Variants in DCDC1 observed in about 807,000 individuals in gnomAD.
DCDC1 encodes doublecortin domain-containing protein 1.
A neutral mutation model predicts 178.3 loss-of-function variants in DCDC1; 200 were observed. The ratio of observed to expected loss-of-function variants is 1.12; its 90% CI spans 1.00 to 1.26. The LOEUF (loss-of-function observed/expected upper bound fraction) is 1.26, where lower values mean the gene tolerates loss of function less well. Ranked by LOEUF, DCDC1 falls within the 50% of genes most tolerant of loss-of-function variation. The pLI, the probability that DCDC1 is intolerant of heterozygous loss-of-function variation, is 0.00. For missense variants in DCDC1, 1,983 were observed against 1,749.2 expected (o/e 1.13, Z -2.38); for synonymous variants, 690 against 604.8 (o/e 1.14, Z -2.07).
intron 9 of DCDC1, among the ~76,000 whole-genome samples, chr11:31,212,604 T>TCTCTCTCTCTCTCTCTCTCTC (rs1972703361): frequency 6.6e-6 from 1 of 152,146 alleles, no homozygotes; most frequent in African/African-American, 2.4e-5. Flanking sequence ...AATTAACAGA[T>TCTCTCTCTCTCTCTCTCTCTC]TTTTCAAATG....
At chr11:30,928,480 T>C (rs1946727625) in intron 22 of DCDC1, among the ~76,000 whole-genome samples, 2 of 151,236 alleles carry the variant, frequency 1.3e-5, no homozygotes, top group Admixed American at 1.3e-4. Flanking sequence ...CAAGCAAATA[T>C]AAACCAAAGA....
intron 9 of DCDC1, among the ~76,000 whole-genome samples, chr11:31,159,319 T>C (rs1966074448): frequency 6.6e-6 from 1 of 152,158 alleles, no homozygotes; most frequent in Admixed American, 6.5e-5. Context: ...CTAATCCATG[T>C]AGGGACAAAA....
At chr11:31,274,404 T>A (rs7940632) in intron 7 of DCDC1, among the ~76,000 whole-genome samples, 4 of 152,118 alleles carry the variant, frequency 2.6e-5, no homozygotes, top group African/African-American at 7.2e-5. Context: ...TAGTGCTGGA[T>A]AAAGACATTT....
chr11:30,941,282 A>G (rs942349488), intron 21 of DCDC1, among the ~76,000 whole-genome samples: 1 of 152,130 alleles, frequency 6.6e-6, no homozygotes, highest in African/African-American at 2.4e-5. Context: ...CTTAAGTCAG[A>G]GCATATCACT....
intron 27 of DCDC1, among the ~76,000 whole-genome samples, 170 bp from the exon 28 acceptor site, chr11:30,911,590 G>A (rs1945450771): frequency 1.3e-5 from 2 of 152,300 alleles, no homozygotes; most frequent in South Asian, 2.1e-4. Context: ...AGCTTTCTCA[G>A]TAGAGAGTGC....
intron 9 of DCDC1, among the ~76,000 whole-genome samples, 179 bp from the exon 10 acceptor site, chr11:31,137,963 T>A (rs1963358205): frequency 6.6e-6 from 1 of 152,204 alleles, no homozygotes; most frequent in Admixed American, 6.5e-5. Flanking sequence ...ACAAACTGAA[T>A]CTTTTACTTT....
At chr11:31,250,382 GAA>G (rs1943895922) in intron 8 of DCDC1, among the ~76,000 whole-genome samples, 1 of 86,824 alleles carries the variant, frequency 1.2e-5, no homozygotes, top group African/African-American at 5.8e-5. Context: ...CAGAGTGAAT[GAA>G]TACACACACA....
In DCDC1 at chr11:30,931,844, GC is replaced by G. The variant is rs1224431673; in HGVS notation, c.2823del (p.Leu941PhefsTer31). The G allele has an allele frequency of 3.7e-6, 6 of 1,612,952 alleles. No individual in the cohort carries two copies. Among genetic ancestry groups the G allele is most frequent in the Admixed American group, 3.3e-5 (2 of 59,872 alleles). On this transcript the variant is annotated frameshift_variant, in exon 22 of 39. Transcript: ENST00000684477. LOFTEE classifies it high-confidence loss of function. ...EPYAPVRLRV[L>X]QNGEKNKNRS... The stretch of plus-strand genomic sequence containing the variant: ...CTGTTTTTATTCTTCTCTCCATTCT[GC>G]AAAACTCTGAGTCGCACAGGGGCAT...
chr11:30,913,980 T>C (rs1945643694), intron 27 of DCDC1, among the ~76,000 whole-genome samples: 1 of 152,230 alleles, frequency 6.6e-6, no homozygotes, highest in African/African-American at 2.4e-5. Context: ...AATTGCTAAA[T>C]ACAATGTAGA....
intron 8 of DCDC1, among the ~76,000 whole-genome samples, chr11:31,255,763 T>C (rs1944380415): frequency 6.6e-6 from 1 of 152,216 alleles, no homozygotes; most frequent in African/African-American, 2.4e-5. Flanking sequence ...ATTTTTTCCA[T>C]TCTATGGTTT....
rs1948551809 is a variant in DCDC1 at position 31,307,774 on chromosome 11, T to C, written c.299A>G (p.His100Arg). 1 of 1,614,028 alleles carries C rather than the reference T, an allele frequency of 6.2e-7. No homozygotes were observed. Among genetic ancestry groups the C allele is most frequent in the African/African-American group, 1.3e-5 (1 of 74,928 alleles). The stretch of plus-strand genomic sequence containing the variant: ...ATGGCTGTGATCTGATGCTGTTTGA[T>C]GTGTGGAGCAATCTTGAAGTCCTGA... ...EGSGLQDCST[H>R]QTASDHSHDE... The change falls in exon 4 of 39, where the codon CAT becomes CGT. Residue 100 changes from histidine (H) to arginine (R), a missense_variant. Coordinates refer to ENST00000684477, the MANE Select transcript of DCDC1 (RefSeq NM_001387274.1).
chr11:30,877,447 CTTCTTGTAAA>C (rs1288805548), intron 38 of DCDC1, among the ~76,000 whole-genome samples: 1 of 152,158 alleles, frequency 6.6e-6, no homozygotes, highest in African/African-American at 2.4e-5. Context: ...GTTCTGTCTT[CTTCTTGTAAA>C]TTCTTCCCTA....
chr11:31,184,470 G>T (rs1252930439), intron 9 of DCDC1, among the ~76,000 whole-genome samples: 1 of 152,112 alleles, frequency 6.6e-6, no homozygotes, highest in African/African-American at 2.4e-5. Context: ...CTTCTGCACA[G>T]CAAAAGAAAT....
intron 9 of DCDC1, among the ~76,000 whole-genome samples, chr11:31,143,002 T>C (rs1369810712): frequency 6.6e-6 from 1 of 152,080 alleles, no homozygotes; most frequent in Non-Finnish European, 1.5e-5. Flanking sequence ...ATGACATGTT[T>C]CCACACGCAA....
intron 9 of DCDC1, among the ~76,000 whole-genome samples, chr11:31,165,470 C>T (rs1342672201): frequency 1.3e-5 from 2 of 152,024 alleles, no homozygotes; most frequent in Non-Finnish European, 2.9e-5. Flanking sequence ...CATTACCACG[C>T]TCAGCTAATT....
chr11:30,919,274 A>C (rs1390913814), intron 25 of DCDC1, among the ~76,000 whole-genome samples: 1 of 152,148 alleles, frequency 6.6e-6, no homozygotes. Context: ...TGGTCTAAAT[A>C]ATTATTTAAA....
intron 20 of DCDC1, among the ~76,000 whole-genome samples, chr11:31,027,775 C>T (rs1228926855): frequency 6.6e-6 from 1 of 151,866 alleles, no homozygotes; most frequent in Non-Finnish European, 1.5e-5. Context: ...CTGTAATTCA[C>T]TTGGAACTAA....
chr11:31,341,386 G>C (rs1950531103), intron 1 of DCDC1, among the ~76,000 whole-genome samples: 1 of 30,618 alleles, frequency 3.3e-5, no homozygotes, highest in African/African-American at 1.1e-4. Flanking sequence ...CAGTTTTATA[G>C]ATAGATAGAT....
At chr11:31,214,263 C>T (rs982191029) in intron 9 of DCDC1, among the ~76,000 whole-genome samples, 1 of 151,660 alleles carries the variant, frequency 6.6e-6, no homozygotes, top group Non-Finnish European at 1.5e-5. Context: ...CTTTATTTAC[C>T]GAGATGAAAA....
Sources: gnomAD v4.1 joint callset for allele counts (sites outside exome capture counted in the v4.1 genomes callset) on GRCh38, gnomAD v4.1.1 for gene constraint, MANE v1.5 for transcripts, NCBI Gene and HGNC (gene_info 2026-07-23, HGNC 2026-07-21) for gene names.